Variants in TGFA observed in about 807,000 individuals in gnomAD.
TGFA encodes protransforming growth factor alpha.
A neutral mutation model predicts 21.7 loss-of-function variants in TGFA; 12 were observed. That is an observed-to-expected ratio of 0.55 (90% CI 0.35 to 0.90). The LOEUF (loss-of-function observed/expected upper bound fraction) is 0.90, where lower values mean the gene tolerates loss of function less well. TGFA is among the 40% of genes least tolerant of loss of function. The probability of loss-of-function intolerance (pLI) is 0.01; values close to 1 mark genes in which losing one functional copy is unlikely to be tolerated. For missense variants in TGFA, 178 were observed against 210.8 expected (o/e 0.84, Z 0.96); for synonymous variants, 79 against 88.1 (o/e 0.90, Z 0.58).
Position 70,514,613 on chromosome 2 carries a change from T to C in TGFA, c.94+246A>G, listed in dbSNP as rs10195446. Among the ~76,000 whole-genome samples the C allele has an allele frequency of 8.5e-3, 1,300 of 152,224 alleles. 16 individuals carry two copies. The highest frequency in any genetic ancestry group is 0.029 in the African/African-American group (1,225 of 41,548). Reference sequence around the variant, plus strand: ...GGCACACTTGCCCACAGGAATTGTCTGAACAGCTGAAGAGAGACACGTAGG... The same window carrying C: ...GGCACACTTGCCCACAGGAATTGTCCGAACAGCTGAAGAGAGACACGTAGG... On this transcript the variant is annotated intron_variant, in intron 2 of 5. Transcript: ENST00000295400.
Position 70,450,767 on chromosome 2 carries a change from A to G in TGFA, c.*92T>C, listed in dbSNP as rs1553489474. 2 of 1,469,646 alleles carry G rather than the reference A, an allele frequency of 1.4e-6. No individual in the cohort carries two copies. The highest frequency in any genetic ancestry group is 2.8e-5 in the African/African-American group (2 of 72,430). The allele number at this position is 1,469,646 out of a possible 1,614,324, so 91.0% of individuals were successfully genotyped here. A position where few individuals can be genotyped will look rare whatever the true frequency, so the allele number is the denominator to read the frequency against. On this transcript the variant is annotated 3_prime_UTR_variant, in exon 6 of 6. Transcript: ENST00000295400. ...CAGGCCAAGTAGGAAGGTCTGTGGC[A>G]CACCCAGGCATCTCTGGCAGTGCTG...
intron 1 of TGFA, among the ~76,000 whole-genome samples, chr2:70,540,562 G>T (rs1378865766): frequency 2.0e-5 from 3 of 152,100 alleles, no homozygotes; most frequent in Non-Finnish European, 4.4e-5. Context: ...AGATTTGAAG[G>T]TAACTACATA....
At position 70,453,249 on chromosome 2, in the gene TGFA, C is replaced by A; in HGVS notation, c.444G>T (p.Lys148Asn). Residue 148 changes from lysine to asparagine, a missense_variant, in exon 5 of 6, where the codon AAG becomes AAT. Coordinates refer to ENST00000295400, the MANE Select transcript of TGFA (RefSeq NM_003236.4). The stretch of plus-strand genomic sequence containing the variant: ...CTGAGTGGCAGCAAGCGGTTCTTCC[C>A]TTCAGGAGGGCGCTGGGCTTCTCGT... Reference protein sequence around the residue: ...CRHEKPSALLKGRTACCHSET... With the variant: ...CRHEKPSALLNGRTACCHSET... The A allele has an allele frequency of 6.2e-7, 1 of 1,614,030 alleles. No homozygotes were observed. The highest frequency in any genetic ancestry group is 8.5e-7 in the Non-Finnish European group (1 of 1,179,898).
chr2:70,451,243 G>C (rs1670048474), intron 5 of TGFA, among the ~76,000 whole-genome samples: 1 of 152,134 alleles, frequency 6.6e-6, no homozygotes, highest in Non-Finnish European at 1.5e-5. Flanking sequence ...TGGCAGAAAG[G>C]CTTCCCCTGA....
chr2:70,523,961 G>A (rs1457286019), intron 1 of TGFA, among the ~76,000 whole-genome samples: 2 of 152,120 alleles, frequency 1.3e-5, no homozygotes, highest in African/African-American at 4.8e-5. Context: ...CCTGACATCT[G>A]GAGAAGCATG....
chr2:70,553,104 C>T (rs1023274611), intron 1 of TGFA: 2 of 1,456,022 alleles, frequency 1.4e-6, no homozygotes, highest in South Asian at 1.2e-5. Flanking sequence ...TCGCTCCTGC[C>T]CTCGGCGGAC....
chr2:70,490,315 T>A (rs914350400), intron 2 of TGFA, among the ~76,000 whole-genome samples: 1 of 152,228 alleles, frequency 6.6e-6, no homozygotes, highest in Non-Finnish European at 1.5e-5. Flanking sequence ...AGGTAAAAGA[T>A]AAGATATTCT....
intron 2 of TGFA, among the ~76,000 whole-genome samples, chr2:70,493,609 A>G (rs1387727277): frequency 6.6e-6 from 1 of 152,208 alleles, no homozygotes; most frequent in Non-Finnish European, 1.5e-5. Context: ...CACCCCAAAA[A>G]GGAAAATGCT....
At chr2:70,513,200 G>A (rs984306523) in intron 2 of TGFA, among the ~76,000 whole-genome samples, 76 of 152,284 alleles carry the variant, frequency 5.0e-4, no homozygotes, top group African/African-American at 1.5e-3. Context: ...TACCCAGTGC[G>A]TAAGTGTTGC....
At chr2:70,513,991 C>T (rs578131489) in intron 2 of TGFA, among the ~76,000 whole-genome samples, 5 of 152,198 alleles carry the variant, frequency 3.3e-5, no homozygotes, top group Admixed American at 6.5e-5. Flanking sequence ...TTCCTGTTTC[C>T]GGAGACACAT....
At chr2:70,462,452 A>G (rs988415479) in intron 3 of TGFA, among the ~76,000 whole-genome samples, 2 of 152,208 alleles carry the variant, frequency 1.3e-5, no homozygotes, top group Admixed American at 1.3e-4. Flanking sequence ...GCAGCAGGGC[A>G]ACAGGTGACC....
At chr2:70,502,997 A>G (rs1559123027) in intron 2 of TGFA, among the ~76,000 whole-genome samples, 1 of 152,170 alleles carries the variant, frequency 6.6e-6, no homozygotes, top group Non-Finnish European at 1.5e-5. Context: ...TAGTTCAACC[A>G]TTGTGGAAGT....
Position 70,449,999 on chromosome 2 carries a change from T to TTG in TGFA, c.*858_*859dup, listed in dbSNP as rs1670002480. 1.3e-5 allele frequency: 2 copies of TTG among 152,318 alleles called. No homozygotes were observed. The allele number at this position is 152,318 out of a possible 1,614,324, so 9.4% of individuals were successfully genotyped here. ...GAACGTATTGAGGCATTTACCGGCT[T>TTG]TGTGGCTTCAATGGCACCATTTCTG... On this transcript the variant is annotated 3_prime_UTR_variant, in exon 6 of 6. Coordinates refer to ENST00000295400, the MANE Select transcript of TGFA (RefSeq NM_003236.4).
chr2:70,495,127 T>A (rs1284245919), intron 2 of TGFA, among the ~76,000 whole-genome samples: 1 of 152,220 alleles, frequency 6.6e-6, no homozygotes, highest in Non-Finnish European at 1.5e-5. Context: ...CGTTTTTAGA[T>A]CTAGATTCTT....
At chr2:70,454,881 C>T (rs1156593138) in intron 4 of TGFA, among the ~76,000 whole-genome samples, 1 of 152,208 alleles carries the variant, frequency 6.6e-6, no homozygotes, top group Non-Finnish European at 1.5e-5. Context: ...CTCTTAGGTC[C>T]CTCTGGGGAG....
intron 2 of TGFA, among the ~76,000 whole-genome samples, chr2:70,491,033 A>T (rs1671418367): frequency 6.6e-6 from 1 of 152,204 alleles, no homozygotes; most frequent in Non-Finnish European, 1.5e-5. Context: ...ATCACAGAAA[A>T]ACTGACAGCA....
At chr2:70,463,672 C>T (rs1216267392) in intron 3 of TGFA, among the ~76,000 whole-genome samples, 5 of 152,128 alleles carry the variant, frequency 3.3e-5, no homozygotes, top group Non-Finnish European at 2.9e-5. Context: ...ACTCATAGCC[C>T]AGTGCACAAG....
chr2:70,535,875 C>A (rs543366173), intron 1 of TGFA, among the ~76,000 whole-genome samples: 1 of 152,284 alleles, frequency 6.6e-6, no homozygotes, highest in South Asian at 2.1e-4. Flanking sequence ...CTTCTACAAC[C>A]CATATAGGAT....
intron 1 of TGFA, 141 bp downstream of exon 1, chr2:70,553,587 C>G: frequency 1.5e-6 from 2 of 1,314,830 alleles, no homozygotes; most frequent in Non-Finnish European, 1.9e-6. Context: ...CCTTGCCTCC[C>G]AGGCGCCAAC....
Sources: allele counts gnomAD v4.1 joint callset (sites outside exome capture counted in the v4.1 genomes callset), GRCh38; gene constraint gnomAD v4.1.1; transcripts MANE v1.5; gene names NCBI Gene and HGNC (gene_info 2026-07-23, HGNC 2026-07-21).